Variants in DCDC2 observed in about 807,000 individuals in gnomAD.
DCDC2 encodes the protein doublecortin domain-containing protein 2.
In DCDC2, 40 loss-of-function variants were observed where a neutral mutation model predicts 50.2. The ratio of observed to expected loss-of-function variants is 0.80; its 90% CI spans 0.62 to 1.04. The LOEUF is 1.04. Ranked by LOEUF, DCDC2 falls within the 50% of genes least tolerant of loss-of-function variation. The pLI is 0.00. For missense variants in DCDC2, 570 were observed against 581.9 expected (o/e 0.98, Z 0.21); for synonymous variants, 234 against 210.6 (o/e 1.11, Z -0.96).
chr6:24,366,145 T>C, the DCDC2 span, among the ~76,000 whole-genome samples: 1 of 152,202 alleles, frequency 6.6e-6, no homozygotes, highest in Non-Finnish European at 1.5e-5. Context: ...ACTTTCTTTA[T>C]TTCCACTTAG....
At chr6:24,286,592 C>CA (rs542275916) in intron 6 of DCDC2, among the ~76,000 whole-genome samples, 42,836 of 121,526 alleles carry the variant, frequency 0.35, 7,270 homozygotes, top group African/African-American at 0.51. Flanking sequence ...GACCCTGTCT[C>CA]AAAAAAAAAA....
intron 7 of DCDC2, among the ~76,000 whole-genome samples, chr6:24,269,698 A>G (rs527628047): frequency 3.7e-4 from 56 of 152,294 alleles, no homozygotes; most frequent in African/African-American, 1.3e-3. Context: ...TGCAGAGCTT[A>G]AGTCCTAGAA....
chr6:24,364,818 C>T, the DCDC2 span, among the ~76,000 whole-genome samples: 2 of 152,032 alleles, frequency 1.3e-5, no homozygotes, highest in Non-Finnish European at 2.9e-5. Context: ...TGCACAGCCA[C>T]GTGCAGAGGT....
At chr6:24,253,826 G>A (rs540685313) in intron 7 of DCDC2, among the ~76,000 whole-genome samples, 11 of 152,148 alleles carry the variant, frequency 7.2e-5, no homozygotes, top group Non-Finnish European at 1.6e-4. Flanking sequence ...GGACATTACT[G>A]TAGACTTTAT....
chr6:24,314,408 G>T (rs1465615418), intron 2 of DCDC2, among the ~76,000 whole-genome samples: 1 of 152,068 alleles, frequency 6.6e-6, no homozygotes, highest in African/African-American at 2.4e-5. Flanking sequence ...AGGCGTTCCA[G>T]GTTGAAATGA....
At chr6:24,185,688 T>TACACACACACAAACACACAC (rs1761183150) in intron 8 of DCDC2, among the ~76,000 whole-genome samples, 1 of 144,400 alleles carries the variant, frequency 6.9e-6, no homozygotes, top group African/African-American at 2.6e-5. Context: ...TCCATACACA[T>TACACACACACAAACACACAC]ACACACACAC....
intron 2 of DCDC2, among the ~76,000 whole-genome samples, chr6:24,349,483 G>T (rs1760324789): frequency 6.6e-6 from 1 of 152,184 alleles, no homozygotes; most frequent in African/African-American, 2.4e-5. Flanking sequence ...AAGAGTAAGT[G>T]CTGGTAAAGG....
intron 8 of DCDC2, among the ~76,000 whole-genome samples, chr6:24,191,470 G>A (rs1472189269): frequency 1.3e-5 from 2 of 152,018 alleles, no homozygotes; most frequent in Non-Finnish European, 2.9e-5. Flanking sequence ...ATGATCCCAG[G>A]GACAGGTCAA....
chr6:24,292,172 A>T (rs1194519494), intron 4 of DCDC2, among the ~76,000 whole-genome samples: 1 of 152,214 alleles, frequency 6.6e-6, no homozygotes, highest in South Asian at 2.1e-4. Flanking sequence ...TGTCCACAAA[A>T]ATTTTTTTAA....
intron 6 of DCDC2, among the ~76,000 whole-genome samples, 161 bp downstream of exon 6, chr6:24,288,691 A>G (rs1054092180): frequency 4.6e-5 from 7 of 152,254 alleles, no homozygotes; most frequent in Non-Finnish European, 5.9e-5. Context: ...GTTTAGGACC[A>G]TAAGTGTAAC....
At chr6:24,290,458 T>G (rs1347229478) in intron 5 of DCDC2, among the ~76,000 whole-genome samples, 1 of 152,208 alleles carries the variant, frequency 6.6e-6, no homozygotes, top group Non-Finnish European at 1.5e-5. Context: ...TCCTCTCTAT[T>G]TGCATAAGTG....
rs34570685 is a variant in DCDC2 at position 24,205,421 on chromosome 6, A to C, written c.923-319T>G. The C allele has an allele frequency of 7.6e-3, 9,368 of 1,232,888 alleles. 59 individuals carry two copies. Among genetic ancestry groups the C allele is most frequent in the Non-Finnish European group, 8.5e-3 (7,760 of 916,322 alleles). 76.4% of individuals were successfully genotyped at this position (1,232,888 alleles called of 1,614,324 possible). A position where few individuals can be genotyped will look rare whatever the true frequency, so the allele number is the denominator to read the frequency against. ...TTGAGATGAGAAGAAATTCACAAGT[A>C]TCATCCCAGTTCTCCCCTCCTATTC... On this transcript the variant is annotated intron_variant, in intron 7 of 9. Coordinates refer to ENST00000378454, the MANE Select transcript of DCDC2 (RefSeq NM_016356.5).
At chr6:24,285,227 G>C (rs549847289) in intron 6 of DCDC2, among the ~76,000 whole-genome samples, 2 of 152,242 alleles carry the variant, frequency 1.3e-5, no homozygotes, top group South Asian at 4.1e-4. Flanking sequence ...TGTGGAAAGA[G>C]GGACAAACTC....
intron 6 of DCDC2, among the ~76,000 whole-genome samples, chr6:24,284,365 T>C (rs1294066258): frequency 6.6e-6 from 1 of 151,786 alleles, no homozygotes; most frequent in African/African-American, 2.4e-5. Flanking sequence ...CCCAACACTT[T>C]GAGAGGCCGA....
At position 24,210,052 on chromosome 6, in the gene DCDC2, G is replaced by GTCTGTC. The variant is rs1554145332; in HGVS notation, c.923-4951_923-4950insGACAGA. On this transcript the variant is annotated intron_variant, in intron 7 of 9. Transcript: ENST00000378454. ...TGTGTGTGTGTGTGTGTGTGTGTGT[G>GTCTGTC]TGTCTGTCTGTCTGTCTGTCTGCCT... Among the ~76,000 whole-genome samples, 121 of 133,294 alleles carry GTCTGTC rather than the reference G, an allele frequency of 9.1e-4. 1 individual carries two copies. Among genetic ancestry groups the GTCTGTC allele is most frequent in the African/African-American group, 3.3e-3 (112 of 34,342 alleles). 87.4% of individuals were successfully genotyped at this position (133,294 alleles called of 152,430 possible). A position where few individuals can be genotyped will look rare whatever the true frequency, so the allele number is the denominator to read the frequency against.
chr6:24,219,395 G>A (rs907572606), intron 7 of DCDC2, among the ~76,000 whole-genome samples: 1 of 152,138 alleles, frequency 6.6e-6, no homozygotes, highest in Non-Finnish European at 1.5e-5. Flanking sequence ...TTTTACACGA[G>A]AAACGGAGAT....
At chr6:24,330,847 C>T (rs550925456) in intron 2 of DCDC2, among the ~76,000 whole-genome samples, 18 of 152,234 alleles carry the variant, frequency 1.2e-4, no homozygotes, top group Admixed American at 3.9e-4. Flanking sequence ...TGAACCCTTA[C>T]GCAGCAGAGT....
At chr6:24,193,849 C>T (rs1027589771) in intron 8 of DCDC2, among the ~76,000 whole-genome samples, 12 of 151,732 alleles carry the variant, frequency 7.9e-5, no homozygotes, top group African/African-American at 2.9e-4. Context: ...GTTAATAAAT[C>T]AAGATAAATA....
In DCDC2 at chr6:24,217,660, T is replaced by A. The variant is rs180852633; in HGVS notation, c.923-12558A>T. Among the ~76,000 whole-genome samples the A allele has an allele frequency of 6.6e-5, 10 of 152,354 alleles. No homozygotes were observed. In the East Asian group the frequency reaches 1.7e-3, roughly 26 times the overall value. On this transcript the variant is annotated intron_variant, in intron 7 of 9. Transcript: ENST00000378454. Reference sequence around the variant, plus strand: ...AATCTGAGTGAGGGTGTTTTCAATTTAACTGTTCTAGAATTTTACAGATTA... The same window carrying A: ...AATCTGAGTGAGGGTGTTTTCAATTAAACTGTTCTAGAATTTTACAGATTA...
Sources: allele counts gnomAD v4.1 joint callset (sites outside exome capture counted in the v4.1 genomes callset), GRCh38; gene constraint gnomAD v4.1.1; transcripts MANE v1.5; gene names NCBI Gene and HGNC (gene_info 2026-07-23, HGNC 2026-07-21).